CNTNAP2: variants seen among roughly 807,000 people sequenced by gnomAD.
CNTNAP2 encodes contactin-associated protein-like 2.
A neutral mutation model predicts 155.2 loss-of-function variants in CNTNAP2; 98 were observed. The ratio of observed to expected loss-of-function variants is 0.63; its 90% confidence interval spans 0.54 to 0.75. CNTNAP2 has a LOEUF of 0.75. CNTNAP2 is among the 30% of genes least tolerant of loss of function. The pLI is 0.00. For synonymous variants in CNTNAP2, 651 were observed against 631.2 expected, an observed-to-expected ratio of 1.03 and a Z score of -0.47; for missense variants, 1,727 against 1,688.1, an observed-to-expected ratio of 1.02 and a Z score of -0.40.
At chr7:148,251,868 T>C (rs1032278064) in intron 20 of CNTNAP2, among the ~76,000 whole-genome samples, 2 of 152,154 alleles carry the variant, frequency 1.3e-5, no homozygotes, top group African/African-American at 4.8e-5. Context: ...TGTGCAGCCT[T>C]GCCTCATTCT....
intron 1 of CNTNAP2, among the ~76,000 whole-genome samples, chr7:146,647,870 A>C (rs1282110169): frequency 6.6e-6 from 1 of 152,210 alleles, no homozygotes; most frequent in Non-Finnish European, 1.5e-5. Context: ...TCCCGTGTAT[A>C]AAGAACATGT....
intron 8 of CNTNAP2, among the ~76,000 whole-genome samples, chr7:147,163,307 A>T (rs1802062436): frequency 6.6e-6 from 1 of 152,232 alleles, no homozygotes; most frequent in African/African-American, 2.4e-5. Flanking sequence ...GGTCTGAAAA[A>T]TTGGAAACCA....
chr7:147,658,295 A>ATGAATT (rs1477712727), intron 13 of CNTNAP2, among the ~76,000 whole-genome samples: 1 of 152,008 alleles, frequency 6.6e-6, no homozygotes, highest in East Asian at 1.9e-4. Flanking sequence ...CCTTACCTTA[A>ATGAATT]TGAATTTTCC....
At chr7:147,348,001 C>T (rs1795906157) in intron 9 of CNTNAP2, among the ~76,000 whole-genome samples, 1 of 151,868 alleles carries the variant, frequency 6.6e-6, no homozygotes, top group Non-Finnish European at 1.5e-5. Context: ...GAAACTAGAC[C>T]CCCACCTCAC....
At chr7:146,452,877 A>G (rs1330441259) in intron 1 of CNTNAP2, among the ~76,000 whole-genome samples, 1 of 152,178 alleles carries the variant, frequency 6.6e-6, no homozygotes, top group Admixed American at 6.5e-5. Flanking sequence ...TGAAATAGTG[A>G]TTTTGCAAGA....
chr7:147,532,095 C>T (rs1799449461), intron 11 of CNTNAP2, among the ~76,000 whole-genome samples: 2 of 152,174 alleles, frequency 1.3e-5, no homozygotes, highest in South Asian at 4.1e-4. Flanking sequence ...GCATGAGCCA[C>T]CATGCCCGGC....
At chr7:146,962,632 C>A (rs1402756824) in intron 3 of CNTNAP2, among the ~76,000 whole-genome samples, 2 of 152,180 alleles carry the variant, frequency 1.3e-5, no homozygotes, top group East Asian at 1.9e-4. Flanking sequence ...CTCACTGCAA[C>A]CTCCACCTCC....
At chr7:146,717,413 T>C (rs1002984659) in intron 1 of CNTNAP2, among the ~76,000 whole-genome samples, 1 of 150,766 alleles carries the variant, frequency 6.6e-6, no homozygotes, top group South Asian at 2.1e-4. Context: ...CTCAGGAGGC[T>C]GAGGCATGGA....
intron 1 of CNTNAP2, among the ~76,000 whole-genome samples, chr7:146,525,434 C>A (rs1797674104): frequency 6.6e-6 from 1 of 151,882 alleles, no homozygotes; most frequent in Non-Finnish European, 1.5e-5. Flanking sequence ...ATAGAAATAC[C>A]AAATTGAGAA....
chr7:148,075,982 G>A lies in CNTNAP2; in HGVS notation c.2384-42136G>A, dbSNP rs146400578. Among the ~76,000 whole-genome samples, 273 of 152,166 alleles carry A rather than the reference G, an allele frequency of 1.8e-3. 1 individual carries two copies. Among genetic ancestry groups the A allele is most frequent in the African/African-American group, 6.2e-3 (258 of 41,518 alleles). ...GTGATGTTTCTCATTTTTCCTCCCC[G>A]TACAGTCTTCATAGGTATTTAGACA... On this transcript the variant is annotated intron_variant, in intron 15 of 23. Coordinates refer to ENST00000361727, the MANE Select transcript of CNTNAP2 (RefSeq NM_014141.6).
chr7:148,019,959 ATT>A (rs1802252729), intron 15 of CNTNAP2, among the ~76,000 whole-genome samples: 1 of 151,962 alleles, frequency 6.6e-6, no homozygotes, highest in South Asian at 2.1e-4. Flanking sequence ...TAATTTCTGT[ATT>A]TTTAGTAGAG....
rs1257334635 is a variant in CNTNAP2, at chr7:148,419,924, G to C, written c.*4308G>C. The C allele has an allele frequency of 1.3e-5, 2 of 152,124 alleles. No homozygotes were observed. The highest frequency in any genetic ancestry group is 2.9e-5 in the Non-Finnish European group (2 of 68,028). 9.4% of individuals were successfully genotyped at this position (152,124 alleles called of 1,614,324 possible). On this transcript the variant is annotated 3_prime_UTR_variant, in exon 24 of 24. Transcript: ENST00000361727. ...ACCTACTTCATAAGACAGTTGCGAG[G>C]TGCCATTGATTCTTGACTGCAAAAT...
chr7:147,093,398 T>C (rs1165596693), intron 4 of CNTNAP2, among the ~76,000 whole-genome samples: 1 of 152,138 alleles, frequency 6.6e-6, no homozygotes, highest in Non-Finnish European at 1.5e-5. Context: ...TATGTGGTAG[T>C]TTGAAATGGT....
Position 146,593,517 on chromosome 7 carries a change from C to T in CNTNAP2, c.98-180754C>T, listed in dbSNP as rs529635652. ...TGCTTTTAAACCTGTCAGTCCTCAGCGTCACTCCCTCCACCACTGCCATCT... is the reference window on the plus strand; with the variant it reads ...TGCTTTTAAACCTGTCAGTCCTCAGTGTCACTCCCTCCACCACTGCCATCT... On this transcript the variant is annotated intron_variant, in intron 1 of 23. Coordinates refer to ENST00000361727, the MANE Select transcript of CNTNAP2 (RefSeq NM_014141.6). 7.2e-5 allele frequency among the ~76,000 whole-genome samples: 11 copies of T among 152,178 alleles called. No individual in the cohort carries two copies. The South Asian group carries it at 1.5e-3, about 20-fold the overall frequency.
At chr7:146,355,584 C>A (rs1584885819) in intron 1 of CNTNAP2, among the ~76,000 whole-genome samples, 1 of 152,136 alleles carries the variant, frequency 6.6e-6, no homozygotes, top group South Asian at 2.1e-4. Flanking sequence ...AAAGCTCATG[C>A]AGATGATGGT....
chr7:147,865,745 T>C (rs7795352), intron 13 of CNTNAP2, among the ~76,000 whole-genome samples: 12 of 151,620 alleles, frequency 7.9e-5, no homozygotes, highest in Admixed American at 5.2e-4. Flanking sequence ...CTAATGATAG[T>C]TTTTATTTCT....
At chr7:147,534,653 G>A (rs947950199) in intron 11 of CNTNAP2, among the ~76,000 whole-genome samples, 1 of 152,148 alleles carries the variant, frequency 6.6e-6, no homozygotes, top group Non-Finnish European at 1.5e-5. Context: ...TCAAAGATGG[G>A]ACTTTTAAAG....
chr7:148,303,427 G>C (rs952218704), intron 21 of CNTNAP2, among the ~76,000 whole-genome samples: 1 of 152,156 alleles, frequency 6.6e-6, no homozygotes, highest in Non-Finnish European at 1.5e-5. Flanking sequence ...CTGGAAGGGC[G>C]CATCCTCTCT....
chr7:146,709,821 C>A (rs536700779), intron 1 of CNTNAP2, among the ~76,000 whole-genome samples: 27 of 152,160 alleles, frequency 1.8e-4, no homozygotes, highest in African/African-American at 6.3e-4. Flanking sequence ...CCACAAAGGG[C>A]GGCCGGAGGG....
Sources: gnomAD v4.1 joint callset for allele counts (sites outside exome capture counted in the v4.1 genomes callset) on GRCh38, gnomAD v4.1.1 for gene constraint, MANE v1.5 for transcripts, NCBI Gene and HGNC (gene_info 2026-07-23, HGNC 2026-07-21) for gene names.